The following IQSEC1 variants were observed in gnomAD, a reference collection of about 807,000 sequenced individuals.
IQSEC1 encodes IQ motif and SEC7 domain-containing protein 1.
In IQSEC1, 31 loss-of-function variants were observed where a neutral mutation model predicts 91.0. That is an observed-to-expected ratio of 0.34 (90% CI 0.26 to 0.46). The LOEUF is 0.46. Ranked by LOEUF, IQSEC1 falls within the 20% of genes least tolerant of loss-of-function variation. The probability of loss-of-function intolerance (pLI) is 1.00; values close to 1 mark genes in which losing one functional copy is unlikely to be tolerated. For missense variants in IQSEC1, 1,388 were observed against 1,575.6 expected, an observed-to-expected ratio of 0.88 and a Z score of 2.02; for synonymous variants, 699 against 662.6, an observed-to-expected ratio of 1.05 and a Z score of -0.84.
chr3:12,997,160 G>A (rs1467894903), intron 1 of IQSEC1, among the ~76,000 whole-genome samples: 2 of 152,172 alleles, frequency 1.3e-5, no homozygotes, highest in African/African-American at 4.8e-5. Flanking sequence ...CAGATCTCCA[G>A]GTCATATTTC....
chr3:13,253,941 G>A (rs951769702), intron 1 of IQSEC1, among the ~76,000 whole-genome samples: 10 of 152,296 alleles, frequency 6.6e-5, no homozygotes, highest in East Asian at 1.9e-4. Flanking sequence ...TGTTTCCACC[G>A]CTGGAAATAG....
Position 12,899,931 on chromosome 3 carries a change from CTG to C in IQSEC1, c.*1050_*1051del, listed in dbSNP as rs1403130111. The C allele has an allele frequency of 6.1e-6, 6 of 985,024 alleles. No homozygotes were observed. The South Asian group carries it at 1.9e-4, about 31-fold the overall frequency. 61.0% of individuals were successfully genotyped at this position (985,024 alleles called of 1,614,324 possible). On this transcript the variant is annotated 3_prime_UTR_variant, in exon 14 of 14. Coordinates refer to ENST00000613206, the MANE Select transcript of IQSEC1 (RefSeq NM_001134382.3). ...GTATGGGTGCCCCTCTCGGAGGACT[CTG>C]AATGAGTGTGCGTCAAATCATATGC...
intron 2 of IQSEC1, among the ~76,000 whole-genome samples, chr3:13,113,317 G>C (rs1226254522): frequency 6.6e-6 from 1 of 152,202 alleles, no homozygotes; most frequent in Non-Finnish European, 1.5e-5. Context: ...AGAGGCAGCA[G>C]GTAAACACAT....
At chr3:12,981,814 C>T (rs1385017557) in intron 1 of IQSEC1, among the ~76,000 whole-genome samples, 1 of 152,168 alleles carries the variant, frequency 6.6e-6, no homozygotes, top group Non-Finnish European at 1.5e-5. Context: ...TGGTGAGCCT[C>T]GAGTCCGCCA....
At position 12,944,437 on chromosome 3, in the gene IQSEC1, C is replaced by T. The variant is rs140013639; in HGVS notation, c.24-2572G>A. Among the ~76,000 whole-genome samples, 203 of 152,342 alleles carry T rather than the reference C, an allele frequency of 1.3e-3. 1 individual carries two copies. The South Asian group carries it at 0.018, about 14-fold the overall frequency. ...GGTTGCAGGGGAGCGTTGGCCTCGC[C>T]GGGAAGCCCATCCCACACTGTCTGA... On this transcript the variant is annotated intron_variant, in intron 1 of 13. Coordinates refer to ENST00000613206, the MANE Select transcript of IQSEC1 (RefSeq NM_001134382.3).
chr3:13,104,423 C>T (rs1283120101), intron 2 of IQSEC1, among the ~76,000 whole-genome samples: 1 of 152,178 alleles, frequency 6.6e-6, no homozygotes, highest in Non-Finnish European at 1.5e-5. Context: ...TCACCCATCC[C>T]TTACATTTCT....
chr3:13,242,703 G>C (rs1695040099), intron 1 of IQSEC1, among the ~76,000 whole-genome samples: 1 of 152,196 alleles, frequency 6.6e-6, no homozygotes, highest in Non-Finnish European at 1.5e-5. Flanking sequence ...TGCTTCTGGA[G>C]GATGTTCTGC....
chr3:13,104,754 C>A (rs1447082371), intron 2 of IQSEC1, among the ~76,000 whole-genome samples: 1 of 152,206 alleles, frequency 6.6e-6, no homozygotes, highest in Non-Finnish European at 1.5e-5. Context: ...CGGACGCTAA[C>A]CCAACAACCA....
At chr3:12,942,378 G>T (rs556058682) in intron 1 of IQSEC1, among the ~76,000 whole-genome samples, 1 of 152,152 alleles carries the variant, frequency 6.6e-6, no homozygotes, top group African/African-American at 2.4e-5. Context: ...CGAGGAGGGC[G>T]GATCACGAGG....
At chr3:13,203,507 G>T (rs992738842) in intron 1 of IQSEC1, among the ~76,000 whole-genome samples, 2 of 152,208 alleles carry the variant, frequency 1.3e-5, no homozygotes, top group Non-Finnish European at 1.5e-5. Context: ...TCCTGGTGAT[G>T]CCCCTGCCCC....
At chr3:12,952,984 C>G (rs978913241) in intron 1 of IQSEC1, among the ~76,000 whole-genome samples, 1 of 152,234 alleles carries the variant, frequency 6.6e-6, no homozygotes, top group African/African-American at 2.4e-5. Context: ...GTGGGCACAC[C>G]ACCGGAGGCA....
chr3:13,087,224 G>A (rs1274562488), intron 2 of IQSEC1, among the ~76,000 whole-genome samples: 1 of 152,252 alleles, frequency 6.6e-6, no homozygotes, highest in African/African-American at 2.4e-5. Context: ...TTTATTTGCT[G>A]CGACTTTAGT....
chr3:13,056,255 T>G (rs895356886), intron 1 of IQSEC1, among the ~76,000 whole-genome samples: 1 of 152,274 alleles, frequency 6.6e-6, no homozygotes, highest in East Asian at 1.9e-4. Context: ...CAGTACAGGC[T>G]TGGGGGAGGG....
upstream of IQSEC1, among the ~76,000 whole-genome samples, chr3:13,077,764 A>G (rs1006850584): frequency 2.6e-5 from 4 of 152,118 alleles, no homozygotes; most frequent in African/African-American, 7.2e-5. Flanking sequence ...AAGCCTGGCA[A>G]ACACCTCCCT....
At position 13,012,952 on chromosome 3, in the gene IQSEC1, T is replaced by A. The variant is rs183268622; in HGVS notation, c.23+60040A>T. Among the ~76,000 whole-genome samples the A allele has an allele frequency of 1.8e-3, 241 of 130,800 alleles. 1 individual carries two copies. Among genetic ancestry groups the A allele is most frequent in the Non-Finnish European group, 2.0e-3 (119 of 60,954 alleles). 85.8% of individuals were successfully genotyped at this position (130,800 alleles called of 152,430 possible). On this transcript the variant is annotated intron_variant, in intron 1 of 13. Transcript: ENST00000613206. ...GAAAGCAGTGGAACAGAAACTCCCATGAAAGTCTGGGCTTTTTTTTTTTTT... is the reference window on the plus strand; with the variant it reads ...GAAAGCAGTGGAACAGAAACTCCCAAGAAAGTCTGGGCTTTTTTTTTTTTT...
rs546272579 is a variant in IQSEC1, at chr3:13,048,503, C to T, written c.23+24489G>A. 5.3e-5 allele frequency among the ~76,000 whole-genome samples: 8 copies of T among 152,358 alleles called. No individual in the cohort carries two copies. The South Asian group carries it at 1.7e-3, about 32-fold the overall frequency. On this transcript the variant is annotated intron_variant, in intron 1 of 13. Coordinates refer to ENST00000613206, the MANE Select transcript of IQSEC1 (RefSeq NM_001134382.3). ...CTCACACACTTCTCCCCACCTGAGG[C>T]CTTAGAAGTCCAGGGCACAGGCCAA... is the stretch of plus-strand genomic sequence containing the variant.
chr3:13,002,564 A>T (rs1702465074), intron 1 of IQSEC1, among the ~76,000 whole-genome samples: 1 of 144,528 alleles, frequency 6.9e-6, no homozygotes. Context: ...AAAAAAAAAA[A>T]GGAACTGAGA....
At chr3:13,197,757 C>T (rs1371626478) in intron 1 of IQSEC1, among the ~76,000 whole-genome samples, 1 of 152,220 alleles carries the variant, frequency 6.6e-6, no homozygotes. Flanking sequence ...GTGCCCCGTT[C>T]ACAGGTGGGC....
chr3:13,129,458 T>C (rs1162223383), intron 2 of IQSEC1, among the ~76,000 whole-genome samples: 1 of 152,158 alleles, frequency 6.6e-6, no homozygotes, highest in Non-Finnish European at 1.5e-5. Context: ...GTCGGTATGG[T>C]TTTTCTGTTT....
Sources: allele counts gnomAD v4.1 joint callset (sites outside exome capture counted in the v4.1 genomes callset), GRCh38; gene constraint gnomAD v4.1.1; transcripts MANE v1.5; gene names NCBI Gene and HGNC (gene_info 2026-07-23, HGNC 2026-07-21).